Variants in PCDHGC4 observed in about 807,000 individuals in gnomAD.
The protein encoded by PCDHGC4 is protocadherin gamma subfamily C, 4, also known as protocadherin gamma-C4.
A neutral mutation model predicts 59.7 loss-of-function variants in PCDHGC4; 15 were observed. That is an observed-to-expected ratio of 0.25 (90% CI 0.17 to 0.39). The LOEUF (loss-of-function observed/expected upper bound fraction) is 0.39, where lower values mean the gene tolerates loss of function less well. PCDHGC4 is among the 10% of genes least tolerant of loss of function. The pLI, the probability that PCDHGC4 is intolerant of heterozygous loss-of-function variation, is 1.00. For missense variants in PCDHGC4, 1,016 were observed against 1,189.5 expected (o/e 0.85, Z 2.15); for synonymous variants, 434 against 481.4 (o/e 0.90, Z 1.29).
chr5:141,506,666 C>A (rs894880559), intron 3 of PCDHGC4, among the ~76,000 whole-genome samples: 2 of 152,120 alleles, frequency 1.3e-5, no homozygotes, highest in South Asian at 4.1e-4. Context: ...AGAGTAAGGG[C>A]ACAATATATT....
At position 141,486,061 on chromosome 5, in the gene PCDHGC4, C is replaced by T. The variant is rs1280895997; in HGVS notation, c.888C>T (p.His296=). 2 of 1,614,166 alleles carry T rather than the reference C, an allele frequency of 1.2e-6. No individual in the cohort carries two copies. Among genetic ancestry groups the T allele is most frequent in the South Asian group, 1.1e-5 (1 of 91,078 alleles). The change falls in exon 1 of 4, where the codon CAC becomes CAT. Residue 296 remains histidine, a synonymous_variant. Coordinates refer to ENST00000306593, the MANE Select transcript of PCDHGC4 (RefSeq NM_018928.3). The surrounding 1 kb of genome is among the most constrained non-coding windows in gnomAD (Gnocchi z 5.0). ...GTGTAAGAAACCTCTTTAGCCTGCA[C>T]CCCACTACTGGAAAGCTTACTCTTT... ...PDRVRNLFSL[H]PTTGKLTLLG...
rs144695545 is a variant in PCDHGC4, at chr5:141,487,156, C to G, written c.1983C>G (p.Leu661=). ...CACCACTCTCTACCTCTGTTACTCT[C>G]TTAGTGTCCTTAGAGGAAGACACTC... ...GSPPLSTSVT[L]LVSLEEDTHP... is the part of the protein sequence containing the mutation. Residue 661 remains leucine (L), a synonymous_variant, in exon 1 of 4, where the codon CTC becomes CTG. Transcript: ENST00000306593. This position sits in a 1 kb window ranked among gnomAD's most constrained non-coding sequence, Gnocchi z 5.0. 105 of 1,613,896 alleles carry G rather than the reference C, an allele frequency of 6.5e-5. No homozygotes were observed. In the African/African-American group the frequency reaches 1.2e-3, roughly 18 times the overall value.
At chr5:141,494,755 C>T (rs1246224213) in intron 1 of PCDHGC4, 52 bp from the exon 2 acceptor site, 18 of 1,613,724 alleles carry the variant, frequency 1.1e-5, no homozygotes, top group African/African-American at 1.3e-5. Context: ...GCTCGGGTGA[C>T]ATTCTAACTT....
In PCDHGC4 at chr5:141,490,598, G is replaced by A. The variant is rs141484080; in HGVS notation, c.2442+2983G>A. On this transcript the variant is annotated intron_variant, in intron 1 of 3. Transcript: ENST00000306593. This position sits in a 1 kb window ranked among gnomAD's most constrained non-coding sequence, Gnocchi z 5.4. ...TCAGATGTCAATGACAATGCACCCC[G>A]CTTCAACCAGCAGCTTTACACTGCT... 309 of 1,614,062 alleles carry A rather than the reference G, an allele frequency of 1.9e-4. 2 individuals carry two copies. Among genetic ancestry groups the A allele is most frequent in the Admixed American group, 5.0e-4 (30 of 60,018 alleles).
rs1161697588 is a variant in PCDHGC4, at chr5:141,491,464, T to C, written c.2443-3343T>C. 7 of 1,613,982 alleles carry C rather than the reference T, an allele frequency of 4.3e-6. No homozygotes were observed. In the African/African-American group the frequency reaches 9.3e-5, roughly 22 times the overall value. On this transcript the variant is annotated intron_variant, in intron 1 of 3. Transcript: ENST00000306593. This position sits in a 1 kb window ranked among gnomAD's most constrained non-coding sequence, Gnocchi z 6.9. ...CCAGGACTCACCCTCCCCGGACTTCTATAAGCAGTCCAGCCCCAACCTGCA... is the reference window on the plus strand; with the variant it reads ...CCAGGACTCACCCTCCCCGGACTTCCATAAGCAGTCCAGCCCCAACCTGCA...
rs773624580 is a variant in PCDHGC4 at position 141,489,715 on chromosome 5, G to A, written c.2442+2100G>A. On this transcript the variant is annotated intron_variant, in intron 1 of 3. Transcript: ENST00000306593. The surrounding 1 kb of genome is among the most constrained non-coding windows in gnomAD (Gnocchi z 4.5). ...ACGATTCCCACTGGACAGTGCCCAG[G>A]ATCCGGATGTGGGCACCAATACTGT... The A allele has an allele frequency of 6.2e-6, 10 of 1,614,004 alleles. No homozygotes were observed. The highest frequency in any genetic ancestry group is 2.2e-5 in the East Asian group (1 of 44,886).
chr5:141,494,048 G>C (rs764072099), intron 1 of PCDHGC4, among the ~76,000 whole-genome samples: 3 of 152,148 alleles, frequency 2.0e-5, no homozygotes, highest in Non-Finnish European at 2.9e-5. Flanking sequence ...GGCCCTGCTT[G>C]GAGGCTGTGG....
intron 2 of PCDHGC4, among the ~76,000 whole-genome samples, chr5:141,501,057 C>T (rs185929124): frequency 9.7e-4 from 147 of 151,960 alleles, no homozygotes; most frequent in African/African-American, 3.4e-3. Context: ...TTAGTAGAGA[C>T]GGGGTTTCAC....
chr5:141,499,689 CTTTTTTTTT>C (rs545067566), intron 2 of PCDHGC4, among the ~76,000 whole-genome samples: 2 of 119,856 alleles, frequency 1.7e-5, no homozygotes, highest in African/African-American at 6.2e-5. Flanking sequence ...TAACAGATGA[CTTTTTTTTT>C]TTTTTTTTTT....
At position 141,505,200 on chromosome 5, in the gene PCDHGC4, G is replaced by T. The variant is rs528060752; in HGVS notation, c.2502-193G>T. On this transcript the variant is annotated intron_variant, in intron 2 of 3. Transcript: ENST00000306593. ...AAAGCATCGGAGGCAGCAAAGAGCTGGTTTGAGGGACTGACTTGTGGGATT... is the reference window on the plus strand; with the variant it reads ...AAAGCATCGGAGGCAGCAAAGAGCTTGTTTGAGGGACTGACTTGTGGGATT... Among the ~76,000 whole-genome samples the T allele has an allele frequency of 6.6e-5, 10 of 152,244 alleles. No individual in the cohort carries two copies. The East Asian group carries it at 7.7e-4, about 12-fold the overall frequency.
Position 141,511,229 on chromosome 5 carries a change from T to G in PCDHGC4, c.*56T>G. 6.3e-7 allele frequency: 1 copy of G among 1,598,500 alleles called. No homozygotes were observed. Among genetic ancestry groups the G allele is most frequent in the Non-Finnish European group, 8.5e-7 (1 of 1,172,476 alleles). On this transcript the variant is annotated 3_prime_UTR_variant, in exon 4 of 4. Transcript: ENST00000306593. ...GCCTCTCCCCAACCAGCCCAGCTTC[T>G]CCTTACCTGCACCCAGGCCTCAGAG...
intron 1 of PCDHGC4, among the ~76,000 whole-genome samples, chr5:141,488,571 A>G (rs2099677106): frequency 6.6e-6 from 1 of 152,194 alleles, no homozygotes; most frequent in East Asian, 1.9e-4. Flanking sequence ...TCCGCAAAGC[A>G]TTGCTGGAGA....
Position 141,487,229 on chromosome 5 carries a change from G to A in PCDHGC4, c.2056G>A (p.Glu686Lys). The change falls in exon 1 of 4, where the codon GAA becomes AAA. Residue 686 changes from glutamate (E) to lysine (K), a missense_variant. Glu to Lys is a moderately conservative substitution (Grantham distance 56, BLOSUM62 1). Coordinates refer to ENST00000306593, the MANE Select transcript of PCDHGC4 (RefSeq NM_018928.3). The surrounding 1 kb of genome is among the most constrained non-coding windows in gnomAD (Gnocchi z 5.0). ...AGAATCTTCAGCTCCAAGGGAAGGA[G>A]AATCTCGTCTAACCCTCTACTTGGC... is the stretch of plus-strand genomic sequence containing the variant. Reference protein sequence around the residue: ...LRESSAPREGESRLTLYLAVS... With the variant: ...LRESSAPREGKSRLTLYLAVS... The A allele has an allele frequency of 6.2e-7, 1 of 1,614,138 alleles. No individual in the cohort carries two copies. The highest frequency in any genetic ancestry group is 8.5e-7 in the Non-Finnish European group (1 of 1,179,994).
rs1479003983 is a variant in PCDHGC4, at chr5:141,485,352, C to T, written c.179C>T (p.Ser60Leu). Residue 60 changes from serine (S) to leucine (L), a missense_variant, in exon 1 of 4, where the codon TCA becomes TTA. Physicochemically the swap from Ser to Leu is moderately radical, Grantham distance 145 (BLOSUM62 -2). Coordinates refer to ENST00000306593, the MANE Select transcript of PCDHGC4 (RefSeq NM_018928.3). This position sits in a 1 kb window ranked among gnomAD's most constrained non-coding sequence, Gnocchi z 5.7. ...TTCCTGCTGGATACGGACAGTCTGT[C>T]AGCTCGCAGGCTGCAGGTCGCTGGA... ...QDFLLDTDSL[S>L]ARRLQVAGEV... 1 of 1,614,136 alleles carries T rather than the reference C, an allele frequency of 6.2e-7. No homozygotes were observed. The highest frequency in any genetic ancestry group is 8.5e-7 in the Non-Finnish European group (1 of 1,180,012).
rs2099686717 is a variant in PCDHGC4, at chr5:141,489,403, A to C, written c.2442+1788A>C. The C allele has an allele frequency of 6.2e-7, 1 of 1,614,172 alleles. No homozygotes were observed. Among genetic ancestry groups the C allele is most frequent in the East Asian group, 2.2e-5 (1 of 44,884 alleles). On this transcript the variant is annotated intron_variant, in intron 1 of 3. Coordinates refer to ENST00000306593, the MANE Select transcript of PCDHGC4 (RefSeq NM_018928.3). The surrounding 1 kb of genome is among the most constrained non-coding windows in gnomAD (Gnocchi z 4.5). ...GAATGTTGCTCAGGATCTGGGCTTA[A>C]AGATGACAGATCTGTTGAGCCGGCG...
rs142703691 is a variant in PCDHGC4 at position 141,489,691 on chromosome 5, C to T, written c.2442+2076C>T. On this transcript the variant is annotated intron_variant, in intron 1 of 3. Transcript: ENST00000306593. The surrounding 1 kb of genome is among the most constrained non-coding windows in gnomAD (Gnocchi z 4.5). ...CTCAGAATCAGCAGCATCTGGGGCACGATTCCCACTGGACAGTGCCCAGGA... is the reference window on the plus strand; with the variant it reads ...CTCAGAATCAGCAGCATCTGGGGCATGATTCCCACTGGACAGTGCCCAGGA... 8.1e-6 allele frequency: 13 copies of T among 1,614,164 alleles called. No individual in the cohort carries two copies. The highest frequency in any genetic ancestry group is 3.3e-5 in the South Asian group (3 of 91,080).
chr5:141,487,162 G>T lies in PCDHGC4; in HGVS notation c.1989G>T (p.Val663=), dbSNP rs2099640627. 6.2e-7 allele frequency: 1 copy of T among 1,613,496 alleles called. No individual in the cohort carries two copies. Among genetic ancestry groups the T allele is most frequent in the African/African-American group, 1.3e-5 (1 of 75,026 alleles). Residue 663 remains valine (V), a synonymous_variant, in exon 1 of 4, where the codon GTG becomes GTT. Transcript: ENST00000306593. This position sits in a 1 kb window ranked among gnomAD's most constrained non-coding sequence, Gnocchi z 5.0. ...TCTCTACCTCTGTTACTCTCTTAGTGTCCTTAGAGGAAGACACTCATCCAG... is the reference window on the plus strand; with the variant it reads ...TCTCTACCTCTGTTACTCTCTTAGTTTCCTTAGAGGAAGACACTCATCCAG... The part of the protein sequence containing the change: ...PPLSTSVTLL[V]SLEEDTHPVV...
At chr5:141,502,818 C>T (rs1209481886) in intron 2 of PCDHGC4, among the ~76,000 whole-genome samples, 1 of 150,836 alleles carries the variant, frequency 6.6e-6, no homozygotes, top group Non-Finnish European at 1.5e-5. Context: ...ACTGTCTTTT[C>T]CTTGGGGAAG....
rs1379875429 is a variant in PCDHGC4 at position 141,491,125 on chromosome 5, C to T, written c.2442+3510C>T. 3.1e-6 allele frequency: 5 copies of T among 1,614,020 alleles called. No homozygotes were observed. The highest frequency in any genetic ancestry group is 4.2e-6 in the Non-Finnish European group (5 of 1,179,992). ...CGTGTCTACACACACTGGTGAGGTG[C>T]GCACAGCCCGGGCCTTACTGGAGGA... On this transcript the variant is annotated intron_variant, in intron 1 of 3. Coordinates refer to ENST00000306593, the MANE Select transcript of PCDHGC4 (RefSeq NM_018928.3). The surrounding 1 kb of genome is among the most constrained non-coding windows in gnomAD (Gnocchi z 6.9).
Sources: allele counts gnomAD v4.1 joint callset (sites outside exome capture counted in the v4.1 genomes callset), GRCh38; gene constraint gnomAD v4.1.1; non-coding constraint Gnocchi (gnomAD v3.1); transcripts MANE v1.5; gene names NCBI Gene and HGNC (gene_info 2026-07-23, HGNC 2026-07-21).